Variants in GRM1 observed in about 807,000 individuals in gnomAD.
GRM1 encodes the protein glutamate metabotropic receptor 1.
GRM1 carries 33 observed loss-of-function variants against 90.9 expected under a neutral mutation model. That is an observed-to-expected ratio of 0.36 (90% confidence interval 0.28 to 0.49). The LOEUF (loss-of-function observed/expected upper bound fraction) is 0.49. Among genes scored for constraint, GRM1 ranks in the 20% least tolerant of loss-of-function variants. The pLI is 0.99. For missense variants in GRM1, 1,190 were observed against 1,534.3 expected (o/e 0.78, Z 3.75); for synonymous variants, 700 against 613.2 (o/e 1.14, Z -2.09).
intron 1 of GRM1, among the ~76,000 whole-genome samples, chr6:146,136,638 G>A (rs1776630184): frequency 6.6e-6 from 1 of 152,126 alleles, no homozygotes; most frequent in East Asian, 1.9e-4. Flanking sequence ...TTTTTTTCCT[G>A]TAGAGTTGTA....
chr6:146,258,154 A>G (rs1371916581), intron 2 of GRM1, among the ~76,000 whole-genome samples: 1 of 152,176 alleles, frequency 6.6e-6, no homozygotes, highest in Non-Finnish European at 1.5e-5. Flanking sequence ...AGACATTGAA[A>G]TGCTGGTTTG....
chr6:146,119,682 A>G (rs1463674877), intron 1 of GRM1, among the ~76,000 whole-genome samples: 2 of 152,208 alleles, frequency 1.3e-5, no homozygotes, highest in Non-Finnish European at 2.9e-5. Flanking sequence ...TCCCAGCACC[A>G]TTTATTAAAT....
intron 1 of GRM1, among the ~76,000 whole-genome samples, chr6:146,121,569 A>T (rs1365245612): frequency 6.6e-6 from 1 of 152,102 alleles, no homozygotes; most frequent in Admixed American, 6.5e-5. Context: ...TCTTGTGGGC[A>T]TTTAGTGCTA....
At chr6:146,166,194 A>G (rs777368094) in intron 2 of GRM1, among the ~76,000 whole-genome samples, 1 of 152,146 alleles carries the variant, frequency 6.6e-6, no homozygotes, top group Non-Finnish European at 1.5e-5. Context: ...CAGCAGACAC[A>G]CTTAAAAATA....
chr6:146,400,011 C>T (rs1041810649), intron 7 of GRM1, among the ~76,000 whole-genome samples: 1 of 152,220 alleles, frequency 6.6e-6, no homozygotes, highest in African/African-American at 2.4e-5. Context: ...CTTACCCTTT[C>T]GCATGGGACC....
intron 2 of GRM1, among the ~76,000 whole-genome samples, chr6:146,274,461 C>T (rs1227741631): frequency 1.3e-5 from 2 of 152,116 alleles, no homozygotes; most frequent in Non-Finnish European, 2.9e-5. Flanking sequence ...GTATACATAA[C>T]ATCTAATTTA....
At chr6:146,099,837 A>C (rs923015307) in intron 1 of GRM1, among the ~76,000 whole-genome samples, 1 of 152,132 alleles carries the variant, frequency 6.6e-6, no homozygotes, top group Non-Finnish European at 1.5e-5. Context: ...TTTTGGGGCT[A>C]TTTTGAACAA....
At chr6:146,218,002 C>T (rs954569376) in intron 2 of GRM1, among the ~76,000 whole-genome samples, 18 of 152,156 alleles carry the variant, frequency 1.2e-4, no homozygotes, top group Admixed American at 9.2e-4. Flanking sequence ...ATTAATTATC[C>T]TAATAACTCT....
chr6:146,251,638 A>G (rs906672960), intron 2 of GRM1, among the ~76,000 whole-genome samples: 9 of 152,184 alleles, frequency 5.9e-5, no homozygotes, highest in African/African-American at 1.4e-4. Context: ...CACCTTGTCC[A>G]TCTAATCTCT....
In GRM1 at chr6:146,045,749, CAAAAAAAAAAAA is replaced by C. The variant is rs58055832; in HGVS notation, c.700+15549_700+15560del. On this transcript the variant is annotated intron_variant, in intron 1 of 7. Transcript: ENST00000282753. ...TCTTTCTCACCAAAGTGGAATACAG[CAAAAAAAAAAAA>C]AAAAAAAAAAAAAAAATCAAATTAA... Among the ~76,000 whole-genome samples the C allele has an allele frequency of 1.2e-3, 104 of 87,408 alleles. 1 individual carries two copies. Among genetic ancestry groups the C allele is most frequent in the East Asian group, 2.3e-3 (6 of 2,654 alleles). 57.3% of individuals were successfully genotyped at this position (87,408 alleles called of 152,430 possible).
chr6:146,041,214 C>T (rs531828471), intron 1 of GRM1, among the ~76,000 whole-genome samples: 1 of 152,026 alleles, frequency 6.6e-6, no homozygotes, highest in South Asian at 2.1e-4. Flanking sequence ...GGATTATTGA[C>T]CTGAGAGCTC....
At chr6:146,239,498 C>CA (rs1780773056) in intron 2 of GRM1, among the ~76,000 whole-genome samples, 1 of 152,046 alleles carries the variant, frequency 6.6e-6, no homozygotes. Flanking sequence ...ATCATACAGG[C>CA]AGGTTCTTTA....
chr6:146,421,045 C>G (rs1777972366), intron 7 of GRM1, among the ~76,000 whole-genome samples: 2 of 152,108 alleles, frequency 1.3e-5, no homozygotes, highest in South Asian at 4.2e-4. Context: ...TTAAAAATGT[C>G]TAAAAACCAA....
chr6:146,351,016 T>C (rs970328002), intron 3 of GRM1, among the ~76,000 whole-genome samples: 1 of 152,206 alleles, frequency 6.6e-6, no homozygotes, highest in African/African-American at 2.4e-5. Context: ...AATAGAACTC[T>C]TTAAAAATGT....
intron 1 of GRM1, among the ~76,000 whole-genome samples, chr6:146,147,319 C>T (rs1407201386): frequency 4.6e-5 from 7 of 152,140 alleles, no homozygotes; most frequent in South Asian, 2.1e-4. Flanking sequence ...ATCCCAGCTC[C>T]GACAGTATCT....
intron 3 of GRM1, among the ~76,000 whole-genome samples, chr6:146,348,180 C>T (rs941386994): frequency 1.1e-4 from 16 of 152,278 alleles, no homozygotes; most frequent in African/African-American, 3.9e-4. Context: ...AGGCACTAAA[C>T]CCCAGGAAGC....
chr6:146,205,562 G>A (rs73575012), intron 2 of GRM1, among the ~76,000 whole-genome samples: 6,581 of 152,182 alleles, frequency 0.043, 462 homozygotes, highest in African/African-American at 0.15. Flanking sequence ...TTTATTTTTC[G>A]TTAAGTTAGT....
rs74656589 is a variant in GRM1 at position 146,390,826 on chromosome 6, T to C, written c.1729+3810T>C. ...GAAACTAGCCATGTAAACAGCCAAC[T>C]ATAAGTCCTACAATAGAGTTATGGG... On this transcript the variant is annotated intron_variant, in intron 6 of 7. Transcript: ENST00000282753. Among the ~76,000 whole-genome samples, 1,476 of 152,188 alleles carry C rather than the reference T, an allele frequency of 9.7e-3. 22 individuals carry two copies. Among genetic ancestry groups the C allele is most frequent in the African/African-American group, 0.034 (1,407 of 41,550 alleles).
chr6:146,298,922 AAAAC>A (rs1166055806), intron 2 of GRM1, among the ~76,000 whole-genome samples: 1 of 152,236 alleles, frequency 6.6e-6, no homozygotes, highest in Admixed American at 6.5e-5. Flanking sequence ...AGATAGCTGA[AAAAC>A]AAAAGTGTCT....
Sources: allele counts gnomAD v4.1 joint callset (sites outside exome capture counted in the v4.1 genomes callset), GRCh38; gene constraint gnomAD v4.1.1; transcripts MANE v1.5; gene names NCBI Gene and HGNC (gene_info 2026-07-23, HGNC 2026-07-21).